The following GCLC variants were observed in gnomAD, a reference collection of about 807,000 sequenced individuals.
GCLC encodes glutamate--cysteine ligase catalytic subunit.
Under a neutral mutation model 81.5 loss-of-function variants are expected in GCLC, and 30 were observed. The ratio of observed to expected loss-of-function variants is 0.37; its 90% confidence interval spans 0.28 to 0.50. The LOEUF is 0.50. GCLC is among the 20% of genes least tolerant of loss of function. The pLI is 0.96. For synonymous variants in GCLC, 262 were observed against 273.3 expected, an observed-to-expected ratio of 0.96 and a Z score of 0.41; for missense variants, 556 against 777.4, an observed-to-expected ratio of 0.72 and a Z score of 3.39.
chr6:53,513,957 TAC>T (rs1764807100), intron 6 of GCLC: 2 of 474,540 alleles, frequency 4.2e-6, no homozygotes, highest in South Asian at 6.5e-5. Flanking sequence ...TAACTGAAAT[TAC>T]AGTTATAAAG....
intron 1 of GCLC, among the ~76,000 whole-genome samples, chr6:53,530,461 T>A (rs1763153145): frequency 6.6e-6 from 1 of 152,192 alleles, no homozygotes; most frequent in Admixed American, 6.5e-5. Context: ...TCAGATAAGT[T>A]AAAGCTCCTG....
At chr6:53,538,692 C>T (rs1763300759) in intron 1 of GCLC, among the ~76,000 whole-genome samples, 1 of 152,164 alleles carries the variant, frequency 6.6e-6, no homozygotes, top group African/African-American at 2.4e-5. Context: ...TAATAAATCT[C>T]ATCTCTGTTT....
At chr6:53,542,741 C>A (rs116238232) in intron 1 of GCLC, among the ~76,000 whole-genome samples, 2 of 152,116 alleles carry the variant, frequency 1.3e-5, no homozygotes, top group Non-Finnish European at 2.9e-5. Flanking sequence ...CAGGGCCCGG[C>A]ACATTGGCTC....
chr6:53,537,418 C>T (rs1262215456), intron 1 of GCLC, among the ~76,000 whole-genome samples: 1 of 152,130 alleles, frequency 6.6e-6, no homozygotes, highest in Non-Finnish European at 1.5e-5. Flanking sequence ...CTTTGTAATG[C>T]CTATTAAGAA....
chr6:53,500,234 GC>G lies in GCLC; in HGVS notation c.1581+12del. The G allele has an allele frequency of 6.2e-7, 1 of 1,612,238 alleles. No homozygotes were observed. Among genetic ancestry groups the G allele is most frequent in the African/African-American group, 1.3e-5 (1 of 74,974 alleles). On this transcript the variant is annotated intron_variant, in intron 14 of 15. Transcript: ENST00000650454. Reference sequence around the variant, plus strand: ...TGCACAGTGAGGGGTACTGTACAGGGCCACCCTCCTACCTTCCCATTGATGA... The same window carrying G: ...TGCACAGTGAGGGGTACTGTACAGGGCACCCTCCTACCTTCCCATTGATGA...
At chr6:53,536,761 A>G (rs1359792022) in intron 1 of GCLC, among the ~76,000 whole-genome samples, 1 of 152,262 alleles carries the variant, frequency 6.6e-6, no homozygotes, top group Non-Finnish European at 1.5e-5. Context: ...AACTACAGAC[A>G]GTACCAATCA....
chr6:53,544,696 G>A lies in GCLC; in HGVS notation c.-51C>T, dbSNP rs976564632. ...TCCTCCGGGCTGACGGCGGTCGCCCGCTCCGGGCGCGAGACGGACACTCAG... is the reference window on the plus strand; with the variant it reads ...TCCTCCGGGCTGACGGCGGTCGCCCACTCCGGGCGCGAGACGGACACTCAG... On this transcript the variant is annotated 5_prime_UTR_variant, in exon 1 of 16. Transcript: ENST00000650454. 16 of 1,528,628 alleles carry A rather than the reference G, an allele frequency of 1.0e-5. No individual in the cohort carries two copies. The highest frequency in any genetic ancestry group is 3.9e-4 in the Middle Eastern group (2 of 5,074). 94.7% of individuals were successfully genotyped at this position (1,528,628 alleles called of 1,614,324 possible). A position where few individuals can be genotyped will look rare whatever the true frequency, so the allele number is the denominator to read the frequency against.
In GCLC at chr6:53,506,309, G is replaced by A; in HGVS notation, c.1198-414C>T. 3.5e-6 allele frequency: 1 copy of A among 285,276 alleles called. No individual in the cohort carries two copies. Among genetic ancestry groups the A allele is most frequent in the Non-Finnish European group, 6.7e-6 (1 of 148,520 alleles). The allele number at this position is 285,276 out of a possible 1,614,324, so 17.7% of individuals were successfully genotyped here. On this transcript the variant is annotated intron_variant, in intron 10 of 15. Coordinates refer to ENST00000650454, the MANE Select transcript of GCLC (RefSeq NM_001498.4). This position sits in a 1 kb window ranked among gnomAD's most constrained non-coding sequence, Gnocchi z 4.0. The stretch of plus-strand genomic sequence containing the variant: ...TTCTTCCTCCTCTCCTGGGAATGCT[G>A]CTGCTTCGATGACCCAAGAGCCTAA...
chr6:53,543,526 TAAC>T (rs1356379622), intron 1 of GCLC, among the ~76,000 whole-genome samples: 1 of 150,810 alleles, frequency 6.6e-6, no homozygotes, highest in Non-Finnish European at 1.5e-5. Context: ...CCAAGATTGA[TAAC>T]AACACTGGCC....
chr6:53,526,167 T>G (rs1329884594), intron 1 of GCLC, among the ~76,000 whole-genome samples: 1 of 152,184 alleles, frequency 6.6e-6, no homozygotes, highest in Non-Finnish European at 1.5e-5. Context: ...CTTTGCTTTG[T>G]GTGTGAAATA....
chr6:53,520,061 C>T (rs1259913341), intron 3 of GCLC, among the ~76,000 whole-genome samples: 2 of 152,172 alleles, frequency 1.3e-5, no homozygotes, highest in Non-Finnish European at 2.9e-5. Context: ...TGACAGACAT[C>T]TAGCATAGAT....
intron 1 of GCLC, 33 bp downstream of exon 1, chr6:53,544,463 T>C: frequency 1.2e-6 from 2 of 1,601,102 alleles, no homozygotes; most frequent in Non-Finnish European, 1.7e-6. Flanking sequence ...CAGACACGGG[T>C]GCCCGGCGGG....
intron 3 of GCLC, among the ~76,000 whole-genome samples, chr6:53,518,895 A>C (rs1191331574): frequency 6.6e-6 from 1 of 152,192 alleles, no homozygotes; most frequent in African/African-American, 2.4e-5. Context: ...TTTTCAGGAC[A>C]ATGACCTATA....
At position 53,506,662 on chromosome 6, in the gene GCLC, A is replaced by G. The variant is rs12524494; in HGVS notation, c.1197+251T>C. The G allele has an allele frequency of 0.096, 42,409 of 442,824 alleles. 4,269 individuals are homozygous for G. Among genetic ancestry groups the G allele is most frequent in the Admixed American group, 0.34 (8,657 of 25,732 alleles). 27.4% of individuals were successfully genotyped at this position (442,824 alleles called of 1,614,324 possible). On this transcript the variant is annotated intron_variant, in intron 10 of 15. Coordinates refer to ENST00000650454, the MANE Select transcript of GCLC (RefSeq NM_001498.4). This position sits in a 1 kb window ranked among gnomAD's most constrained non-coding sequence, Gnocchi z 4.0. ...ATAAGAAAATACTGAACAATAAAAA[A>G]AAAAATTAGAATCAGTGAGATAAAC...
At chr6:53,511,947 CTTT>C (rs535000790) in intron 6 of GCLC, among the ~76,000 whole-genome samples, 3 of 113,540 alleles carry the variant, frequency 2.6e-5, no homozygotes, top group African/African-American at 3.4e-5. Context: ...GAACTTAGTG[CTTT>C]TTTTTTTTTT....
chr6:53,519,398 T>G (rs1762944673), intron 3 of GCLC, among the ~76,000 whole-genome samples: 3 of 151,902 alleles, frequency 2.0e-5, no homozygotes, highest in Admixed American at 2.0e-4. Context: ...TCACTCCTCC[T>G]GGAACCTTGG....
chr6:53,515,563 G>A (rs988208653), intron 4 of GCLC, among the ~76,000 whole-genome samples: 3 of 152,200 alleles, frequency 2.0e-5, no homozygotes, highest in African/African-American at 7.2e-5. Context: ...GATGACAGAT[G>A]AGCATGCATT....
At chr6:53,513,043 T>C (rs1764786102) in intron 6 of GCLC, 1 of 152,236 alleles carries the variant, frequency 6.6e-6, no homozygotes, top group African/African-American at 2.4e-5. Context: ...TATCTTATAC[T>C]ACCTATAAAT....
intron 1 of GCLC, among the ~76,000 whole-genome samples, chr6:53,535,665 C>A (rs1343204087): frequency 1.3e-5 from 2 of 152,200 alleles, no homozygotes; most frequent in Non-Finnish European, 2.9e-5. Context: ...ATGATTTTAA[C>A]ACACTTCACA....
Sources: allele counts gnomAD v4.1 joint callset (sites outside exome capture counted in the v4.1 genomes callset), GRCh38; gene constraint gnomAD v4.1.1; non-coding constraint Gnocchi (gnomAD v3.1); transcripts MANE v1.5; gene names NCBI Gene and HGNC (gene_info 2026-07-23, HGNC 2026-07-21).